The following EYS variants were observed in gnomAD, a reference collection of about 807,000 sequenced individuals.
The protein encoded by EYS is protein eyes shut homolog.
In EYS, 250 loss-of-function variants were observed where a neutral mutation model predicts 282.1. The ratio of observed to expected loss-of-function variants is 0.89; its 90% CI spans 0.80 to 0.98. The LOEUF is 0.98. Ranked by LOEUF, EYS falls within the 50% of genes least tolerant of loss-of-function variation. EYS has a pLI of 0.00. For missense variants in EYS, 4,016 were observed against 3,709.0 expected, an observed-to-expected ratio of 1.08 and a Z score of -2.15; for synonymous variants, 1,355 against 1,282.9, an observed-to-expected ratio of 1.06 and a Z score of -1.20.
At chr6:65,526,574 G>A (rs1767571534) in intron 2 of EYS, among the ~76,000 whole-genome samples, 1 of 152,146 alleles carries the variant, frequency 6.6e-6, no homozygotes, top group Non-Finnish European at 1.5e-5. Flanking sequence ...GGGAGGCCGA[G>A]GGGGGTGGAT....
At chr6:64,387,841 C>T (rs764874081) in intron 29 of EYS, among the ~76,000 whole-genome samples, 4 of 151,836 alleles carry the variant, frequency 2.6e-5, no homozygotes, top group South Asian at 2.1e-4. Flanking sequence ...CAAATATGCT[C>T]GTCAATTTTG....
intron 2 of EYS, among the ~76,000 whole-genome samples, chr6:65,593,572 G>T (rs1402507542): frequency 6.6e-6 from 1 of 151,950 alleles, no homozygotes. Context: ...AAGTTTCAAG[G>T]TGTCTCTCAT....
rs140812671 is a variant in EYS at position 64,593,427 on chromosome 6, A to G, written c.3685-118T>C. ...CATAGACATATTGGATAGCTCAAAT[A>G]AAATATTTTACTTGAAAATTAAATC... On this transcript the variant is annotated intron_variant, in intron 24 of 42. Coordinates refer to ENST00000503581, the MANE Select transcript of EYS (RefSeq NM_001142800.2). The G allele has an allele frequency of 4.6e-5, 29 of 636,586 alleles. No homozygotes were observed. In the African/African-American group the frequency reaches 4.8e-4, roughly 10 times the overall value. 39.4% of individuals were successfully genotyped at this position (636,586 alleles called of 1,614,324 possible). A position where few individuals can be genotyped will look rare whatever the true frequency, so the allele number is the denominator to read the frequency against.
chr6:64,980,331 A>G (rs1015060761), intron 14 of EYS, among the ~76,000 whole-genome samples: 9 of 151,644 alleles, frequency 5.9e-5, no homozygotes, highest in Admixed American at 5.3e-4. Context: ...TAGGTCATCA[A>G]CAGAATATAT....
In EYS at chr6:64,626,187, A is replaced by G; in HGVS notation, c.3502T>C (p.Ser1168Pro). ...CEININECSS[S>P]PCLHGADCED... is the part of the protein sequence containing the mutation. ...CAGTCTGCACCATGTAGACATGGTG[A>G]TGAAGAGCATTCATTTATATTAATT... The change falls in exon 23 of 43, where the codon TCA (serine) becomes CCA (proline). Residue 1168 changes from serine to proline, a missense_variant. Transcript: ENST00000503581. The G allele has an allele frequency of 1.9e-6, 3 of 1,540,872 alleles. No homozygotes were observed. Among genetic ancestry groups the G allele is most frequent in the Non-Finnish European group, 2.6e-6 (3 of 1,143,572 alleles).
chr6:64,679,525 G>A (rs1304105645), intron 22 of EYS, among the ~76,000 whole-genome samples: 1 of 151,988 alleles, frequency 6.6e-6, no homozygotes, highest in African/African-American at 2.4e-5. Flanking sequence ...TCTATCTGTA[G>A]AACCGCATTT....
At chr6:65,034,334 G>C (rs1409827332) in intron 13 of EYS, among the ~76,000 whole-genome samples, 1 of 152,106 alleles carries the variant, frequency 6.6e-6, no homozygotes, top group African/African-American at 2.4e-5. Flanking sequence ...TGTATTTTTT[G>C]ATGTGAGAAG....
chr6:65,455,603 T>C (rs1248054161), intron 5 of EYS, among the ~76,000 whole-genome samples: 2 of 151,960 alleles, frequency 1.3e-5, no homozygotes, highest in Non-Finnish European at 2.9e-5. Flanking sequence ...CAAAAGGAGA[T>C]GTGAGAGTAT....
chr6:63,793,768 C>T (rs947244530), intron 37 of EYS, among the ~76,000 whole-genome samples: 1 of 152,070 alleles, frequency 6.6e-6, no homozygotes, highest in Admixed American at 6.6e-5. Flanking sequence ...GCAATGGGTC[C>T]CACAAATTAT....
intron 22 of EYS, among the ~76,000 whole-genome samples, chr6:64,795,473 A>G (rs1381894053): frequency 1.3e-5 from 2 of 152,176 alleles, no homozygotes; most frequent in Admixed American, 6.5e-5. Flanking sequence ...TCTACATATC[A>G]TGCCACATTT....
chr6:64,518,783 C>CCCG (rs1295928254), intron 26 of EYS, among the ~76,000 whole-genome samples: 4 of 150,040 alleles, frequency 2.7e-5, no homozygotes, highest in South Asian at 2.1e-4. Context: ...ATAAGGGGCC[C>CCCG]CCCCCTTCTC....
At chr6:63,821,134 A>G (rs1258172172) in intron 36 of EYS, 1 of 151,382 alleles carries the variant, frequency 6.6e-6, no homozygotes, top group Admixed American at 6.6e-5. Context: ...AATTTTCTAC[A>G]TAGAAGTCTT....
At chr6:64,056,384 G>T (rs965302264) in intron 33 of EYS, among the ~76,000 whole-genome samples, 2 of 152,076 alleles carry the variant, frequency 1.3e-5, no homozygotes, top group African/African-American at 4.8e-5. Context: ...TATCAGATTC[G>T]CCTGTTGGTG....
At chr6:65,076,639 AT>A (rs564879407) in intron 12 of EYS, among the ~76,000 whole-genome samples, 2 of 151,748 alleles carry the variant, frequency 1.3e-5, no homozygotes, top group Non-Finnish European at 2.9e-5. Flanking sequence ...CTCAGAGTGC[AT>A]TGATAAGCAA....
intron 22 of EYS, among the ~76,000 whole-genome samples, chr6:64,755,859 TA>T (rs1238391954): frequency 1.3e-5 from 2 of 152,164 alleles, no homozygotes; most frequent in Non-Finnish European, 2.9e-5. Flanking sequence ...TATGTCCATG[TA>T]ATAAAGCTGC....
intron 22 of EYS, among the ~76,000 whole-genome samples, chr6:64,812,202 T>C (rs1764617952): frequency 6.6e-6 from 1 of 151,582 alleles, no homozygotes; most frequent in Admixed American, 6.6e-5. Context: ...ACAGAAAGTA[T>C]GTTCAAAACA....
At chr6:64,342,782 C>G (rs1771178249) in intron 29 of EYS, among the ~76,000 whole-genome samples, 1 of 152,004 alleles carries the variant, frequency 6.6e-6, no homozygotes, top group Non-Finnish European at 1.5e-5. Context: ...AGAGTCAAAA[C>G]CCATCAGTGT....
chr6:64,004,194 AT>A (rs1768227688), intron 33 of EYS, among the ~76,000 whole-genome samples: 1 of 151,828 alleles, frequency 6.6e-6, no homozygotes, highest in South Asian at 2.1e-4. Context: ...CTTAGGTATC[AT>A]TTTTTTCTTC....
Position 64,483,719 on chromosome 6 carries a change from A to T in EYS, c.5645-44367T>A, listed in dbSNP as rs118074023. On this transcript the variant is annotated intron_variant, in intron 26 of 42. Transcript: ENST00000503581. ...GATATTTAGCAAGTCACTTGCCCTC[A>T]GATGCAAGCTACATTCTAGTGTTAG... Among the ~76,000 whole-genome samples, 25 of 151,722 alleles carry T rather than the reference A, an allele frequency of 1.6e-4. No individual in the cohort carries two copies. In the South Asian group the frequency reaches 2.5e-3, roughly 15 times the overall value.
Sources: gnomAD v4.1 joint callset for allele counts (sites outside exome capture counted in the v4.1 genomes callset) on GRCh38, gnomAD v4.1.1 for gene constraint, MANE v1.5 for transcripts, NCBI Gene and HGNC (gene_info 2026-07-23, HGNC 2026-07-21) for gene names.